Variants in CPEB4 observed in about 807,000 individuals in gnomAD.
CPEB4 encodes the protein cytoplasmic polyadenylation element binding protein 4.
A neutral mutation model predicts 72.5 loss-of-function variants in CPEB4; 12 were observed. The ratio of observed to expected loss-of-function variants is 0.17; its 90% CI spans 0.11 to 0.27. The LOEUF (loss-of-function observed/expected upper bound fraction) is 0.27. Ranked by LOEUF, CPEB4 falls within the 10% of genes least tolerant of loss-of-function variation. CPEB4 has a pLI of 1.00. For synonymous variants in CPEB4, 302 were observed against 326.3 expected (o/e 0.93, Z 0.80); for missense variants, 614 against 908.5 (o/e 0.68, Z 4.17).
chr5:173,917,589 G>A (rs1044825071), intron 2 of CPEB4, among the ~76,000 whole-genome samples: 1 of 152,220 alleles, frequency 6.6e-6, no homozygotes, highest in African/African-American at 2.4e-5. Context: ...AGCAGGGCGC[G>A]GTAGCGGGCG....
chr5:173,931,707 C>T (rs1361795010), intron 2 of CPEB4, among the ~76,000 whole-genome samples: 1 of 152,182 alleles, frequency 6.6e-6, no homozygotes, highest in African/African-American at 2.4e-5. Context: ...TCTTCCAAAA[C>T]AGAAATGTAA....
In CPEB4 at chr5:173,927,339, C is replaced by G. The variant is rs75712904; in HGVS notation, c.1208-5111C>G. ...TCACCTGGTACCCAAACAGGACACT[C>G]AAGATGCCTAGGTATTAAAAGCTCT... On this transcript the variant is annotated intron_variant, in intron 2 of 9. Transcript: ENST00000265085. Among the ~76,000 whole-genome samples, 929 of 152,266 alleles carry G rather than the reference C, an allele frequency of 6.1e-3. 16 individuals carry two copies. Among genetic ancestry groups the G allele is most frequent in the African/African-American group, 0.021 (868 of 41,542 alleles).
chr5:173,912,160 A>G (rs1390572766), intron 2 of CPEB4, among the ~76,000 whole-genome samples: 2 of 152,158 alleles, frequency 1.3e-5, no homozygotes, highest in African/African-American at 4.8e-5. Context: ...AGCTGTGGAA[A>G]GATGATCTCC....
At chr5:173,932,199 A>T (rs910536259) in intron 2 of CPEB4, among the ~76,000 whole-genome samples, 7 of 152,226 alleles carry the variant, frequency 4.6e-5, no homozygotes, top group African/African-American at 9.6e-5. Flanking sequence ...TTGCTATTAC[A>T]TAATGGTATA....
In CPEB4 at chr5:173,889,185, T is replaced by TA. The variant is rs958186509; in HGVS notation, c.-547dup. ...TCTATATATATAAATATATAATATA[T>TA]AATGTTCTTAAATTATTCCTGATTT... On this transcript the variant is annotated 5_prime_UTR_variant, in exon 1 of 10. In the 5' UTR this introduces an upstream ATG that the reference lacks. Transcript: ENST00000265085. The TA allele has an allele frequency of 6.6e-6, 1 of 150,630 alleles. No individual in the cohort carries two copies. The highest frequency in any genetic ancestry group is 6.6e-5 in the Admixed American group (1 of 15,064). 9.3% of individuals were successfully genotyped at this position (150,630 alleles called of 1,614,324 possible). A position where few individuals can be genotyped will look rare whatever the true frequency, so the allele number is the denominator to read the frequency against.
Position 173,961,620 on chromosome 5 carries a change from C to T in CPEB4, c.*5483C>T, listed in dbSNP as rs971211576. 7 of 151,908 alleles carry T rather than the reference C, an allele frequency of 4.6e-5. No homozygotes were observed. The highest frequency in any genetic ancestry group is 6.5e-5 in the Admixed American group (1 of 15,280). The allele number at this position is 151,908 out of a possible 1,614,324, so 9.4% of individuals were successfully genotyped here. On this transcript the variant is annotated 3_prime_UTR_variant, in exon 10 of 10. Transcript: ENST00000265085. ...CAGATGAATAAACAGTGGAAATTCT[C>T]TACCACACTCTTAACAATCAAGTCA...
At chr5:173,921,218 G>A (rs781086728) in intron 2 of CPEB4, among the ~76,000 whole-genome samples, 2 of 152,086 alleles carry the variant, frequency 1.3e-5, no homozygotes, top group Non-Finnish European at 2.9e-5. Context: ...GTTTTACTTA[G>A]GGTAGAGACA....
intron 2 of CPEB4, among the ~76,000 whole-genome samples, chr5:173,921,881 G>GA (rs1427291135): frequency 6.6e-6 from 1 of 152,238 alleles, no homozygotes; most frequent in Non-Finnish European, 1.5e-5. Flanking sequence ...AGTTTCAAGT[G>GA]AAAGGGTGCT....
intron 2 of CPEB4, among the ~76,000 whole-genome samples, chr5:173,915,069 A>G (rs1041953379): frequency 2.0e-5 from 3 of 152,106 alleles, no homozygotes; most frequent in African/African-American, 7.2e-5. Context: ...GAGCTAGAAA[A>G]CTTAATTTGT....
chr5:173,961,904 A>G lies in CPEB4; in HGVS notation c.*5767A>G, dbSNP rs905058425. 3.3e-5 allele frequency: 5 copies of G among 151,870 alleles called. No homozygotes were observed. The highest frequency in any genetic ancestry group is 1.2e-4 in the African/African-American group (5 of 41,388). The allele number at this position is 151,870 out of a possible 1,614,324, so 9.4% of individuals were successfully genotyped here. On this transcript the variant is annotated 3_prime_UTR_variant, in exon 10 of 10. Coordinates refer to ENST00000265085, the MANE Select transcript of CPEB4 (RefSeq NM_030627.4). ...CAAAACTCTAATATTTCAGACTGTGATCTTCAGAGGACTAGGATAGTCCTT... is the reference window on the plus strand; with the variant it reads ...CAAAACTCTAATATTTCAGACTGTGGTCTTCAGAGGACTAGGATAGTCCTT...
In CPEB4 at chr5:173,956,692, T is replaced by C. The variant is rs1758393063; in HGVS notation, c.*555T>C. ...ACAGCAATGGAGGAAGTTAACAATT[T>C]TTAATGGAAAGAGCATGTTAGAGCA... On this transcript the variant is annotated 3_prime_UTR_variant, in exon 10 of 10. Transcript: ENST00000265085. The C allele has an allele frequency of 1.3e-5, 2 of 151,848 alleles. No individual in the cohort carries two copies. Among genetic ancestry groups the C allele is most frequent in the East Asian group, 3.8e-4 (2 of 5,324 alleles). 9.4% of individuals were successfully genotyped at this position (151,848 alleles called of 1,614,324 possible).
At chr5:173,908,282 A>C (rs1232242740) in intron 1 of CPEB4, among the ~76,000 whole-genome samples, 2 of 152,154 alleles carry the variant, frequency 1.3e-5, no homozygotes, top group Non-Finnish European at 2.9e-5. Flanking sequence ...CTATAGATAG[A>C]TCTTGTTCAG....
chr5:173,927,274 A>C (rs1757275490), intron 2 of CPEB4, among the ~76,000 whole-genome samples: 1 of 152,232 alleles, frequency 6.6e-6, no homozygotes, highest in African/African-American at 2.4e-5. Flanking sequence ...CTTATGAAAT[A>C]CTGGTGTTTT....
chr5:173,935,027 G>C (rs1484475171), intron 3 of CPEB4, among the ~76,000 whole-genome samples: 1 of 152,112 alleles, frequency 6.6e-6, no homozygotes, highest in African/African-American at 2.4e-5. Flanking sequence ...ATTAATTAAA[G>C]AATTTACAGG....
intron 2 of CPEB4, among the ~76,000 whole-genome samples, chr5:173,915,857 T>C (rs1051768036): frequency 3.3e-5 from 5 of 152,198 alleles, no homozygotes; most frequent in Non-Finnish European, 7.3e-5. Context: ...GAAGCATAGG[T>C]TGGACACAGT....
intron 2 of CPEB4, among the ~76,000 whole-genome samples, chr5:173,911,178 C>A (rs1388487068): frequency 1.3e-5 from 2 of 151,970 alleles, no homozygotes; most frequent in African/African-American, 4.8e-5. Context: ...GCCTCAATTT[C>A]TTCACCTTTA....
At chr5:173,901,651 C>T (rs1338954609) in intron 1 of CPEB4, among the ~76,000 whole-genome samples, 1 of 152,188 alleles carries the variant, frequency 6.6e-6, no homozygotes, top group Non-Finnish European at 1.5e-5. Flanking sequence ...TACTGTGTGA[C>T]TTTGTAGGGC....
chr5:173,902,425 G>A (rs1446578195), intron 1 of CPEB4, among the ~76,000 whole-genome samples: 4 of 152,162 alleles, frequency 2.6e-5, no homozygotes, highest in Admixed American at 1.3e-4. Context: ...TACCTTTTGT[G>A]TTTTAGACTC....
chr5:173,935,220 A>G (rs978693852), intron 3 of CPEB4, among the ~76,000 whole-genome samples: 10 of 152,204 alleles, frequency 6.6e-5, no homozygotes. Context: ...ATACAGAACA[A>G]AGGATTAATA....
Sources: allele counts gnomAD v4.1 joint callset (sites outside exome capture counted in the v4.1 genomes callset), GRCh38; gene constraint gnomAD v4.1.1; transcripts MANE v1.5; gene names NCBI Gene and HGNC (gene_info 2026-07-23, HGNC 2026-07-21).